USP29: variants seen among roughly 807,000 people sequenced by gnomAD.
USP29 encodes ubiquitin carboxyl-terminal hydrolase 29.
For missense variants in USP29, 1,102 were observed against 1,069.0 expected (o/e 1.03, Z -0.43); for synonymous variants, 386 against 387.4 (o/e 1.00, Z 0.04).
In USP29 at chr19:57,128,685, C is replaced by G. The variant is rs772992785; in HGVS notation, c.10C>G (p.Leu4Val). 109 of 1,587,022 alleles carry G rather than the reference C, an allele frequency of 6.9e-5. 1 individual carries two copies. In the East Asian group the frequency reaches 1.5e-3, roughly 22 times the overall value. Residue 4 changes from leucine (L) to valine (V), a missense_variant, in exon 4 of 4, where the codon CTA becomes GTA. By Grantham distance (32) the Leu-to-Val change is conservative. Transcript: ENST00000254181. MIS[L>V]KVCGFIQIWS... is the part of the protein sequence containing the mutation. ...GTTACATAAAGAAAGGATGATATCTCTAAAGGTATGTGGATTCATCCAAAT... is the reference window on the plus strand; with the variant it reads ...GTTACATAAAGAAAGGATGATATCTGTAAAGGTATGTGGATTCATCCAAAT...
At position 57,129,674 on chromosome 19, in the gene USP29, C is replaced by G. The variant is rs770770699; in HGVS notation, c.999C>G (p.Thr333=). Residue 333 remains threonine, a synonymous_variant, in exon 4 of 4, where the codon ACC becomes ACG. Transcript: ENST00000254181. ...IPFEALIMTL[T]QLLALKDFCS... ...TTGAGGCTCTTATTATGACCTTGAC[C>G]CAGCTGCTTGCTTTGAAAGATTTCT... is the stretch of plus-strand genomic sequence containing the variant. The G allele has an allele frequency of 6.2e-7, 1 of 1,613,918 alleles. No homozygotes were observed. Among genetic ancestry groups the G allele is most frequent in the South Asian group, 1.1e-5 (1 of 91,056 alleles).
At chr19:57,127,766 C>T (rs1309722847) in intron 3 of USP29, among the ~76,000 whole-genome samples, 1 of 152,078 alleles carries the variant, frequency 6.6e-6, no homozygotes, top group African/African-American at 2.4e-5. Flanking sequence ...TGGCTTCAGC[C>T]CCCTTTCCAG....
intron 1 of USP29, among the ~76,000 whole-genome samples, chr19:57,121,091 TC>T (rs1300169551): frequency 6.8e-6 from 1 of 146,102 alleles, no homozygotes; most frequent in African/African-American, 2.5e-5. Context: ...TGAGACTCCA[TC>T]CCCGCTCCGC....
chr19:57,128,222 C>G (rs967372422), intron 3 of USP29, among the ~76,000 whole-genome samples: 1 of 152,202 alleles, frequency 6.6e-6, no homozygotes, highest in African/African-American at 2.4e-5. Flanking sequence ...GCCATCTTGG[C>G]CCCGCCCCTT....
In USP29 at chr19:57,129,219, G is replaced by A. The variant is rs1328952882; in HGVS notation, c.544G>A (p.Asp182Asn). Reference protein sequence around the residue: ...TLSSDVQTNEDILKEDNPVPN... With the variant: ...TLSSDVQTNENILKEDNPVPN... ...ATCATCTGATGTACAGACAAATGAG[G>A]ACATTCTGAAGGAAGATAACCCTGT... Residue 182 changes from aspartate to asparagine, a missense_variant, in exon 4 of 4, where the codon GAC becomes AAC. Asp to Asn is a conservative substitution (Grantham distance 23, BLOSUM62 1). Transcript: ENST00000254181. 4 of 1,612,072 alleles carry A rather than the reference G, an allele frequency of 2.5e-6. No individual in the cohort carries two copies. The South Asian group carries it at 3.3e-5, about 13-fold the overall frequency.
rs1035912822 is a variant in USP29 at position 57,130,276 on chromosome 19, CTTTAAG to C, written c.1606_1611del (p.Leu537_Ser538del). On this transcript the variant is annotated inframe_deletion, in exon 4 of 4. Transcript: ENST00000254181. ...AACGAGCAAGTTTATATTCCCAAAT[CTTTAAG>C]TTTATCTTCTTATTGCAATGAAAGC... 3.7e-6 allele frequency: 6 copies of C among 1,613,964 alleles called. No individual in the cohort carries two copies. The highest frequency in any genetic ancestry group is 1.7e-5 in the Admixed American group (1 of 59,996).
At chr19:57,128,212 G>A (rs1182501815) in intron 3 of USP29, among the ~76,000 whole-genome samples, 2 of 152,076 alleles carry the variant, frequency 1.3e-5, no homozygotes, top group Non-Finnish European at 2.9e-5. Context: ...TTCCTATTTG[G>A]CCATCTTGGC....
Position 57,130,442 on chromosome 19 carries a change from T to C in USP29, c.1767T>C (p.Asp589=), listed in dbSNP as rs756652319. 5 of 1,614,188 alleles carry C rather than the reference T, an allele frequency of 3.1e-6. No individual in the cohort carries two copies. The highest frequency in any genetic ancestry group is 4.2e-6 in the Non-Finnish European group (5 of 1,180,034). The change falls in exon 4 of 4, where the codon GAT becomes GAC. Residue 589 remains aspartate, a synonymous_variant. Coordinates refer to ENST00000254181, the MANE Select transcript of USP29 (RefSeq NM_020903.3). Reference sequence around the variant, plus strand: ...TGAAGCTGACCTCAGAATCCAGTGATTCCCTGGTTCTACCCGTTGAACCAG... The same window carrying C: ...TGAAGCTGACCTCAGAATCCAGTGACTCCCTGGTTCTACCCGTTGAACCAG... ...PSMKLTSESS[D]SLVLPVEPDK...
Position 57,131,327 on chromosome 19 carries a change from C to CA in USP29, c.2654dup (p.Asn885LysfsTer5), listed in dbSNP as rs2086859362. ...CTGGGTATATCTTCTTTTACATGCA[C>CA]AATGGGATTTTTGAGGAGCTGTTAA... is the stretch of plus-strand genomic sequence containing the variant. On this transcript the variant is annotated frameshift_variant, in exon 4 of 4. Transcript: ENST00000254181. LOFTEE classifies it low-confidence loss of function (END_TRUNC). 2 of 1,614,050 alleles carry CA rather than the reference C, an allele frequency of 1.2e-6. No individual in the cohort carries two copies. The highest frequency in any genetic ancestry group is 1.7e-6 in the Non-Finnish European group (2 of 1,180,046).
upstream of USP29, among the ~76,000 whole-genome samples, chr19:57,119,411 C>G (rs1259731227): frequency 1.3e-5 from 2 of 152,066 alleles, no homozygotes; most frequent in Non-Finnish European, 2.9e-5. Context: ...TGGAGGATGA[C>G]CGCTTTTTTG....
At chr19:57,128,601 A>G (rs1253568572) in intron 3 of USP29, 59 bp from the exon 4 acceptor site, 5 of 1,448,110 alleles carry the variant, frequency 3.5e-6, no homozygotes, top group Non-Finnish European at 9.2e-7. Context: ...GAGGTTTTTC[A>G]TAAAATATAA....
Position 57,130,560 on chromosome 19 carries a change from G to A in USP29, c.1885G>A (p.Glu629Lys). The A allele has an allele frequency of 6.2e-7, 1 of 1,614,166 alleles. No individual in the cohort carries two copies. Among genetic ancestry groups the A allele is most frequent in the Non-Finnish European group, 8.5e-7 (1 of 1,180,026 alleles). The part of the protein sequence containing the change: ...QRDLENGSAL[E>K]SELVHFRDRA... ...AGACCTGGAAAATGGCTCTGCACTAGAGTCAGAATTGGTCCACTTTAGAGA... is the reference window on the plus strand; with the variant it reads ...AGACCTGGAAAATGGCTCTGCACTAAAGTCAGAATTGGTCCACTTTAGAGA... The change falls in exon 4 of 4, where the codon GAG becomes AAG. Residue 629 changes from glutamate to lysine, a missense_variant. Transcript: ENST00000254181.
In USP29 at chr19:57,127,613, C is replaced by T. The variant is rs142262483; in HGVS notation, c.-16-1047C>T. Reference sequence around the variant, plus strand: ...AACTCTACTAACGCCTCATTAATCACGGATGCGCCTCCCCCAACCAAGTTC... The same window carrying T: ...AACTCTACTAACGCCTCATTAATCATGGATGCGCCTCCCCCAACCAAGTTC... On this transcript the variant is annotated intron_variant, in intron 3 of 3. Transcript: ENST00000254181. 5.4e-3 allele frequency among the ~76,000 whole-genome samples: 828 copies of T among 152,296 alleles called. 6 individuals carry two copies. The highest frequency in any genetic ancestry group is 0.024 in the Middle Eastern group (7 of 294).
Position 57,131,054 on chromosome 19 carries a change from A to G in USP29, c.2379A>G (p.Gly793=). 3.7e-6 allele frequency: 6 copies of G among 1,614,142 alleles called. No individual in the cohort carries two copies. The highest frequency in any genetic ancestry group is 4.2e-6 in the Non-Finnish European group (5 of 1,180,006). The part of the protein sequence containing the change: ...HLGALGSDNP[G]NKNILDAENT... ...GGGCACTGGGTTCTGACAACCCAGG[A>G]AACAAAAACATTTTAGATGCAGAGA... Residue 793 remains glycine (G), a synonymous_variant, in exon 4 of 4, where the codon GGA becomes GGG. Coordinates refer to ENST00000254181, the MANE Select transcript of USP29 (RefSeq NM_020903.3).
upstream of USP29, chr19:57,119,108 C>T (rs2086779155): frequency 6.6e-6 from 1 of 152,300 alleles, no homozygotes; most frequent in Admixed American, 6.5e-5. Context: ...CGCGCCGGGA[C>T]AGGGCCACAA....
chr19:57,125,402 C>G (rs1291962541), intron 3 of USP29, among the ~76,000 whole-genome samples: 1 of 152,136 alleles, frequency 6.6e-6, no homozygotes, highest in East Asian at 1.9e-4. Context: ...GGAGTCTAAG[C>G]CTCTTTGTAG....
rs541335351 is a variant in USP29, at chr19:57,130,549, G to A, written c.1874G>A (p.Gly625Asp). Residue 625 changes from glycine to aspartate, a missense_variant, in exon 4 of 4, where the codon GGC becomes GAC. Gly to Asp is a moderately conservative substitution (Grantham distance 94). Coordinates refer to ENST00000254181, the MANE Select transcript of USP29 (RefSeq NM_020903.3). ...QEQHQRDLEN[G>D]SALESELVHF... ...CAGCATCAGAGAGACCTGGAAAATG[G>A]CTCTGCACTAGAGTCAGAATTGGTC... 1.9e-6 allele frequency: 3 copies of A among 1,614,160 alleles called. No individual in the cohort carries two copies. Among genetic ancestry groups the A allele is most frequent in the East Asian group, 2.2e-5 (1 of 44,872 alleles).
Position 57,128,662 on chromosome 19 carries a change from T to A in USP29, c.-14T>A, listed in dbSNP as rs1448554459. The A allele has an allele frequency of 6.5e-7, 1 of 1,541,354 alleles. No homozygotes were observed. On this transcript the variant is annotated splice_region_variant and 5_prime_UTR_variant, in exon 4 of 4. Coordinates refer to ENST00000254181, the MANE Select transcript of USP29 (RefSeq NM_020903.3). ...GCATGTGTGCTTTTCTTCTTTAGGT[T>A]ACATAAAGAAAGGATGATATCTCTA...
At position 57,126,402 on chromosome 19, in the gene USP29, C is replaced by G. The variant is rs150094783; in HGVS notation, c.-16-2258C>G. On this transcript the variant is annotated intron_variant, in intron 3 of 3. Transcript: ENST00000254181. ...GTCACTTTCAGGTATACCAATCAAT[C>G]GTAGGTTTGGTCTTTTCACATAGTC... 3.3e-5 allele frequency among the ~76,000 whole-genome samples: 5 copies of G among 152,220 alleles called. No homozygotes were observed. In the East Asian group the frequency reaches 9.7e-4, roughly 29 times the overall value.
Sources: allele counts gnomAD v4.1 joint callset (sites outside exome capture counted in the v4.1 genomes callset), GRCh38; gene constraint gnomAD v4.1.1; transcripts MANE v1.5; gene names NCBI Gene and HGNC (gene_info 2026-07-23, HGNC 2026-07-21).